The following HYLS1 variants were observed in gnomAD, a reference collection of about 807,000 sequenced individuals.
The protein encoded by HYLS1 is centriolar and ciliogenesis-associated protein HYLS1.
HYLS1 carries 25 observed loss-of-function variants against 29.4 expected under a neutral mutation model. The observed-to-expected ratio is 0.85, with a 90% CI of 0.62 to 1.19. HYLS1 has a LOEUF of 1.19. HYLS1 is among the 50% of genes most tolerant of loss of function. The pLI is 0.00. For synonymous variants in HYLS1, 128 were observed against 126.7 expected, an observed-to-expected ratio of 1.01 and a Z score of -0.07; for missense variants, 352 against 365.1, an observed-to-expected ratio of 0.96 and a Z score of 0.29.
At chr11:125,896,370 G>C in intron 2 of HYLS1, 2 of 1,290,968 alleles carry the variant, frequency 1.5e-6, no homozygotes, top group Admixed American at 4.5e-5. Flanking sequence ...TTCAATGCTA[G>C]TTCCTTTGAT....
In HYLS1 at chr11:125,900,464, A is replaced by G; in HGVS notation, c.*196A>G. ...TCCAAATTGCCACTCAAATCCAGCA[A>G]TTGCAAGATAAATCATATCAGAGAA... On this transcript the variant is annotated 3_prime_UTR_variant, in exon 3 of 3. Transcript: ENST00000425380. 1 of 587,580 alleles carries G rather than the reference A, an allele frequency of 1.7e-6. No homozygotes were observed. Among genetic ancestry groups the G allele is most frequent in the Non-Finnish European group, 3.1e-6 (1 of 324,166 alleles). The allele number at this position is 587,580 out of a possible 1,614,324, so 36.4% of individuals were successfully genotyped here.
At chr11:125,897,984 T>C (rs1944638801) in intron 2 of HYLS1, among the ~76,000 whole-genome samples, 1 of 152,158 alleles carries the variant, frequency 6.6e-6, no homozygotes, top group Admixed American at 6.5e-5. Context: ...CATTCATACA[T>C]TGGAATTCCG....
At chr11:125,899,307 T>G in intron 2 of HYLS1, 37 bp from the exon 3 acceptor site, 1 of 1,478,966 alleles carries the variant, frequency 6.8e-7, no homozygotes, top group African/African-American at 1.4e-5. Context: ...AGCTGGGAAT[T>G]TATTATCAGA....
At chr11:125,889,992 G>A (rs934167714) in intron 1 of HYLS1, among the ~76,000 whole-genome samples, 2 of 152,202 alleles carry the variant, frequency 1.3e-5, no homozygotes, top group Non-Finnish European at 2.9e-5. Flanking sequence ...AGGCTGGAGT[G>A]CAGTGGCCAG....
chr11:125,887,583 G>A (rs1944327260), upstream of HYLS1: 1 of 152,296 alleles, frequency 6.6e-6, no homozygotes, highest in Non-Finnish European at 1.5e-5. Flanking sequence ...GAGGGAGGGC[G>A]GACCGGGCCA....
rs780865876 is a variant in HYLS1, at chr11:125,899,838, C to T, written c.470C>T (p.Pro157Leu). 1 of 1,614,120 alleles carries T rather than the reference C, an allele frequency of 6.2e-7. No individual in the cohort carries two copies. The highest frequency in any genetic ancestry group is 1.3e-5 in the African/African-American group (1 of 75,028). Residue 157 changes from proline (P) to leucine (L), a missense_variant, in exon 3 of 3, where the codon CCA becomes CTA. Coordinates refer to ENST00000425380, the MANE Select transcript of HYLS1 (RefSeq NM_001134793.2). ...GATGTTTCACAAAAATTTAACCTACCACATGAATACCAAGGAATTTCTCAA... is the reference window on the plus strand; with the variant it reads ...GATGTTTCACAAAAATTTAACCTACTACATGAATACCAAGGAATTTCTCAA... Reference protein sequence around the residue: ...SFDVSQKFNLPHEYQGISQDQ... With the variant: ...SFDVSQKFNLLHEYQGISQDQ...
At position 125,900,053 on chromosome 11, in the gene HYLS1, C is replaced by T. The variant is rs1345362781; in HGVS notation, c.685C>T (p.Pro229Ser). The T allele has an allele frequency of 6.2e-7, 1 of 1,614,146 alleles. No homozygotes were observed. Among genetic ancestry groups the T allele is most frequent in the Non-Finnish European group, 8.5e-7 (1 of 1,180,032 alleles). Residue 229 changes from proline to serine, a missense_variant, in exon 3 of 3, where the codon CCT becomes TCT. Pro to Ser is a moderately conservative substitution (Grantham distance 74, BLOSUM62 -1). Coordinates refer to ENST00000425380, the MANE Select transcript of HYLS1 (RefSeq NM_001134793.2). ...YKRDWDSIRL[P>S]GEDHRKELRW... ...ACGGGACTGGGACTCAATACGTTTA[C>T]CTGGTGAAGATCATAGAAAGGAATT...
chr11:125,886,819 G>A (rs1659953387), upstream of HYLS1, among the ~76,000 whole-genome samples: 1 of 148,766 alleles, frequency 6.7e-6, no homozygotes, highest in African/African-American at 2.5e-5. Flanking sequence ...GCTGAGGCAG[G>A]AGAATCGCTT....
chr11:125,887,851 C>G (rs1036947409), intron 1 of HYLS1, 86 bp downstream of exon 1: 1 of 149,984 alleles, frequency 6.7e-6, no homozygotes, highest in Non-Finnish European at 1.5e-5. Context: ...GCTCCTTTTC[C>G]CACCGTCGGG....
intron 1 of HYLS1, among the ~76,000 whole-genome samples, chr11:125,888,942 AAAG>A (rs750331214): frequency 1.8e-4 from 27 of 152,180 alleles, no homozygotes; most frequent in Non-Finnish European, 3.2e-4. Flanking sequence ...TAGTACGTGT[AAAG>A]AAGAAAGAAA....
At chr11:125,895,991 G>A (rs1253713032) in intron 2 of HYLS1, 1 of 1,614,012 alleles carries the variant, frequency 6.2e-7, no homozygotes, top group Non-Finnish European at 8.5e-7. Flanking sequence ...GTCGAGTCTT[G>A]GTTAGAGCTT....
Position 125,899,383 on chromosome 11 carries a change from A to C in HYLS1, c.15A>C (p.Leu5=), listed in dbSNP as rs759153895. 22 of 1,613,972 alleles carry C rather than the reference A, an allele frequency of 1.4e-5. No homozygotes were observed. The Middle Eastern group carries it at 4.9e-4, about 36-fold the overall frequency. Residue 5 remains leucine, a synonymous_variant, in exon 3 of 3, where the codon CTA becomes CTC. Coordinates refer to ENST00000425380, the MANE Select transcript of HYLS1 (RefSeq NM_001134793.2). MEEL[L]PDGQIWANMD... is the part of the protein sequence containing the mutation. ...TAGGGGAAGCAATGGAAGAACTTCTACCTGATGGACAAATATGGGCTAATA... is the reference window on the plus strand; with the variant it reads ...TAGGGGAAGCAATGGAAGAACTTCTCCCTGATGGACAAATATGGGCTAATA...
chr11:125,894,044 A>G (rs1209951693), intron 2 of HYLS1: 2 of 1,614,186 alleles, frequency 1.2e-6, no homozygotes, highest in Non-Finnish European at 1.7e-6. Flanking sequence ...GGTCTGCTTT[A>G]TGACAGAGGG....
chr11:125,898,560 C>A (rs187776399), intron 2 of HYLS1, among the ~76,000 whole-genome samples: 1 of 152,098 alleles, frequency 6.6e-6, no homozygotes, highest in Admixed American at 6.5e-5. Flanking sequence ...CTGTAGTAGT[C>A]CAGTTACTCC....
chr11:125,890,958 T>C (rs974518859), intron 1 of HYLS1, among the ~76,000 whole-genome samples: 6 of 152,198 alleles, frequency 3.9e-5, no homozygotes, highest in African/African-American at 1.4e-4. Context: ...CTCTTGGCTT[T>C]ACTGCCAAAA....
In HYLS1 at chr11:125,895,165, A is replaced by G. The variant is rs139186616; in HGVS notation, c.-26+3693A>G. The G allele has an allele frequency of 1.6e-5, 23 of 1,396,900 alleles. No individual in the cohort carries two copies. In the South Asian group the frequency reaches 3.0e-4, roughly 18 times the overall value. The allele number at this position is 1,396,900 out of a possible 1,614,324, so 86.5% of individuals were successfully genotyped here. ...GGCTTCAAGCAATTCTTGTGCCTCA[A>G]GCGTCCCGAGTAGCTGGGACTACAG... is the stretch of plus-strand genomic sequence containing the variant. On this transcript the variant is annotated intron_variant, in intron 2 of 2. Coordinates refer to ENST00000425380, the MANE Select transcript of HYLS1 (RefSeq NM_001134793.2).
chr11:125,888,391 G>A (rs12287250), intron 1 of HYLS1: 6,410 of 152,352 alleles, frequency 0.042, 208 homozygotes, highest in East Asian at 0.11. Context: ...ATGCTGCTGA[G>A]AGAGTGAAGA....
At chr11:125,893,900 T>C in intron 2 of HYLS1, 1 of 1,614,194 alleles carries the variant, frequency 6.2e-7, no homozygotes, top group Non-Finnish European at 8.5e-7. Flanking sequence ...TGTTTCTTCC[T>C]CATGGAATAA....
At chr11:125,884,984 A>G (rs186664314), upstream of HYLS1, among the ~76,000 whole-genome samples, 382 of 152,340 alleles carry the variant, frequency 2.5e-3, 1 homozygote, top group Non-Finnish European at 3.6e-3. Flanking sequence ...TGGGAACCAC[A>G]AGCATTATTA....
Sources: gnomAD v4.1 joint callset for allele counts (sites outside exome capture counted in the v4.1 genomes callset) on GRCh38, gnomAD v4.1.1 for gene constraint, MANE v1.5 for transcripts, NCBI Gene and HGNC (gene_info 2026-07-23, HGNC 2026-07-21) for gene names.